The following SPOCK1 variants were observed in gnomAD, a reference collection of about 807,000 sequenced individuals.
SPOCK1 encodes the protein SPARC (osteonectin), cwcv and kazal like domains proteoglycan 1.
Under a neutral mutation model 55.3 loss-of-function variants are expected in SPOCK1, and 23 were observed. The ratio of observed to expected loss-of-function variants is 0.42; its 90% CI spans 0.30 to 0.59. The LOEUF (loss-of-function observed/expected upper bound fraction) is 0.59, where lower values mean the gene tolerates loss of function less well. Among genes scored for constraint, SPOCK1 ranks in the 20% least tolerant of loss-of-function variants. The pLI is 0.22. For synonymous variants in SPOCK1, 226 were observed against 221.0 expected (o/e 1.02, Z -0.20); for missense variants, 499 against 552.5 (o/e 0.90, Z 0.97).
At chr5:137,185,649 T>C (rs1015629969) in intron 3 of SPOCK1, among the ~76,000 whole-genome samples, 1 of 152,102 alleles carries the variant, frequency 6.6e-6, no homozygotes, top group Non-Finnish European at 1.5e-5. Flanking sequence ...TCAGAAGGAA[T>C]GCAGAGAACA....
intron 4 of SPOCK1, among the ~76,000 whole-genome samples, chr5:137,131,692 C>G (rs1210671274): frequency 4.1e-5 from 6 of 147,420 alleles, no homozygotes; most frequent in Non-Finnish European, 6.0e-5. Context: ...ATATCTCCCC[C>G]CCGGGTGTGG....
chr5:137,261,547 T>C (rs1756743183), intron 3 of SPOCK1, among the ~76,000 whole-genome samples: 1 of 152,202 alleles, frequency 6.6e-6, no homozygotes, highest in Non-Finnish European at 1.5e-5. Context: ...GAGAACAGCA[T>C]GAGTGAAAGG....
At chr5:137,076,607 T>TAAAAA (rs35285273) in intron 5 of SPOCK1, among the ~76,000 whole-genome samples, 15 of 112,616 alleles carry the variant, frequency 1.3e-4, no homozygotes, top group East Asian at 7.5e-4. Flanking sequence ...GGACTGAAAG[T>TAAAAA]AAAAAAAAAA....
At chr5:137,260,985 T>C (rs1048328745) in intron 3 of SPOCK1, among the ~76,000 whole-genome samples, 14 of 151,754 alleles carry the variant, frequency 9.2e-5, no homozygotes, top group African/African-American at 2.9e-4. Flanking sequence ...AAGGCAAAGG[T>C]GAGAGGGAGA....
At chr5:137,107,982 A>T (rs1753398605) in intron 5 of SPOCK1, among the ~76,000 whole-genome samples, 1 of 151,876 alleles carries the variant, frequency 6.6e-6, no homozygotes, top group African/African-American at 2.4e-5. Context: ...ACTTAATGAC[A>T]TTGAATCACC....
intron 2 of SPOCK1, among the ~76,000 whole-genome samples, chr5:137,395,756 G>A (rs540062572): frequency 6.6e-6 from 1 of 152,330 alleles, no homozygotes; most frequent in Non-Finnish European, 1.5e-5. Flanking sequence ...GCGTGGAGCT[G>A]TATTCTTGAG....
At chr5:136,989,097 G>A (rs997921150) in intron 7 of SPOCK1, among the ~76,000 whole-genome samples, 2 of 152,164 alleles carry the variant, frequency 1.3e-5, no homozygotes, top group Admixed American at 6.5e-5. Flanking sequence ...TAATCCAGAA[G>A]CACCGCTTGC....
intron 6 of SPOCK1, among the ~76,000 whole-genome samples, chr5:137,049,392 C>T (rs1470550184): frequency 8.0e-6 from 1 of 125,318 alleles, no homozygotes; most frequent in Non-Finnish European, 1.7e-5. Flanking sequence ...TCATTCATTT[C>T]ATCTTCCATT....
At chr5:137,184,581 T>A (rs1385487518) in intron 3 of SPOCK1, among the ~76,000 whole-genome samples, 2 of 152,146 alleles carry the variant, frequency 1.3e-5, no homozygotes, top group Admixed American at 1.3e-4. Context: ...AATACCCATG[T>A]CCATGAGTCG....
chr5:137,448,620 T>G (rs967266940), intron 2 of SPOCK1, among the ~76,000 whole-genome samples: 2 of 152,218 alleles, frequency 1.3e-5, no homozygotes, highest in African/African-American at 4.8e-5. Context: ...AATAATCAGA[T>G]TTTTTTAACT....
At chr5:137,119,709 G>T (rs1198495991) in intron 4 of SPOCK1, among the ~76,000 whole-genome samples, 1 of 152,342 alleles carries the variant, frequency 6.6e-6, no homozygotes, top group East Asian at 1.9e-4. Context: ...TGGTGCAAAA[G>T]ACTTGCTGTT....
intron 6 of SPOCK1, among the ~76,000 whole-genome samples, chr5:137,040,306 GA>G (rs1751970467): frequency 6.6e-6 from 1 of 152,230 alleles, no homozygotes; most frequent in Non-Finnish European, 1.5e-5. Flanking sequence ...GCATTCTGAT[GA>G]GCACCATCTG....
intron 5 of SPOCK1, among the ~76,000 whole-genome samples, chr5:137,100,441 G>A (rs545133830): frequency 7.9e-5 from 12 of 152,296 alleles, no homozygotes; most frequent in East Asian, 3.9e-4. Flanking sequence ...AGAAGACAAC[G>A]TGCATGATGT....
At chr5:136,981,017 T>C (rs780070599) in intron 9 of SPOCK1, among the ~76,000 whole-genome samples, 9 of 152,188 alleles carry the variant, frequency 5.9e-5, no homozygotes, top group African/African-American at 2.2e-4. Flanking sequence ...TAGGTTTTCA[T>C]AATTGTTATA....
At chr5:137,252,416 C>CCACATG (rs757189181) in intron 3 of SPOCK1, among the ~76,000 whole-genome samples, 7 of 152,196 alleles carry the variant, frequency 4.6e-5, no homozygotes, top group Non-Finnish European at 1.0e-4. Context: ...CAGTCATGAT[C>CCACATG]ACACAGCAGC....
chr5:137,346,840 G>A (rs1407329445), intron 2 of SPOCK1, among the ~76,000 whole-genome samples: 1 of 152,164 alleles, frequency 6.6e-6, no homozygotes, highest in Non-Finnish European at 1.5e-5. Flanking sequence ...CTGATGATCT[G>A]ATAAAGAAGG....
intron 3 of SPOCK1, among the ~76,000 whole-genome samples, chr5:137,146,828 C>A (rs1268590672): frequency 6.6e-6 from 1 of 152,196 alleles, no homozygotes; most frequent in African/African-American, 2.4e-5. Context: ...CGAGGCCAAA[C>A]AAAGGGCCTA....
intron 2 of SPOCK1, among the ~76,000 whole-genome samples, chr5:137,314,014 A>G (rs958491063): frequency 6.6e-6 from 1 of 151,052 alleles, no homozygotes; most frequent in East Asian, 2.0e-4. Context: ...CTCTCCTCCC[A>G]TCGTCCTCTC....
intron 2 of SPOCK1, among the ~76,000 whole-genome samples, chr5:137,431,212 C>A (rs950853344): frequency 1.3e-5 from 2 of 152,142 alleles, no homozygotes; most frequent in African/African-American, 4.8e-5. Flanking sequence ...ACTCCTCATT[C>A]TTTAAATCAG....
Sources: gnomAD v4.1 joint callset for allele counts (sites outside exome capture counted in the v4.1 genomes callset) on GRCh38, gnomAD v4.1.1 for gene constraint, MANE v1.5 for transcripts, NCBI Gene and HGNC (gene_info 2026-07-23, HGNC 2026-07-21) for gene names.